The following UMAD1 variants were observed in gnomAD, a reference collection of about 807,000 sequenced individuals.
The protein encoded by UMAD1 is UBAP1-MVB12-associated (UMA)-domain containing protein 1.
Under a neutral mutation model 6.1 loss-of-function variants are expected in UMAD1, and 8 were observed. That is an observed-to-expected ratio of 1.30 (90% CI 0.76 to 2.35). UMAD1 has a LOEUF of 2.35. Among genes scored for constraint, UMAD1 ranks in the 30% most tolerant of loss-of-function variants. UMAD1 has a pLI of 0.00. For synonymous variants in UMAD1, 56 were observed against 31.4 expected, an observed-to-expected ratio of 1.78 and a Z score of -2.61; for missense variants, 130 against 78.4, an observed-to-expected ratio of 1.66 and a Z score of -2.49.
chr7:7,674,570 C>A (rs1779690691), intron 2 of UMAD1, among the ~76,000 whole-genome samples: 1 of 152,134 alleles, frequency 6.6e-6, no homozygotes, highest in Admixed American at 6.6e-5. Flanking sequence ...ATCCCTTATA[C>A]CTGAGGTAAA....
chr7:7,678,657 T>C (rs187647090), intron 2 of UMAD1, among the ~76,000 whole-genome samples: 3,990 of 99,682 alleles, frequency 0.04, 71 homozygotes, highest in Admixed American at 0.063. Context: ...TATTTATATA[T>C]TTAGTTTATA....
rs142994529 is a variant in UMAD1, at chr7:7,711,946, T to C, written c.82+38493T>C. On this transcript the variant is annotated intron_variant, in intron 2 of 3. Transcript: ENST00000682710. ...CTTTGGTTATAGTGTGGTATAGCGATCCGATTTTAATTTTTTTTTGTAGGG... is the reference window on the plus strand; with the variant it reads ...CTTTGGTTATAGTGTGGTATAGCGACCCGATTTTAATTTTTTTTTGTAGGG... Among the ~76,000 whole-genome samples the C allele has an allele frequency of 1.9e-3, 289 of 152,266 alleles. 3 individuals carry two copies. Among genetic ancestry groups the C allele is most frequent in the African/African-American group, 6.8e-3 (282 of 41,582 alleles).
intron 2 of UMAD1, among the ~76,000 whole-genome samples, chr7:7,763,193 T>C (rs1781924237): frequency 6.6e-6 from 1 of 152,230 alleles, no homozygotes; most frequent in Non-Finnish European, 1.5e-5. Context: ...TGATATTTAA[T>C]TGAAGTGCTT....
At chr7:7,838,999 C>G (rs1410465923) in intron 3 of UMAD1, among the ~76,000 whole-genome samples, 1 of 152,074 alleles carries the variant, frequency 6.6e-6, no homozygotes, top group African/African-American at 2.4e-5. Context: ...TACTTTCTAG[C>G]AGGGGAGGAA....
At chr7:7,804,946 A>G (rs966450530) in intron 3 of UMAD1, among the ~76,000 whole-genome samples, 3 of 152,100 alleles carry the variant, frequency 2.0e-5, no homozygotes, top group African/African-American at 7.2e-5. Context: ...ACACCACTGC[A>G]CTCCAGCCTG....
At chr7:7,710,551 A>G (rs1198809895) in intron 2 of UMAD1, among the ~76,000 whole-genome samples, 2 of 152,180 alleles carry the variant, frequency 1.3e-5, no homozygotes, top group Non-Finnish European at 2.9e-5. Context: ...AAATAGTAAT[A>G]ACACCAAATG....
intron 2 of UMAD1, among the ~76,000 whole-genome samples, chr7:7,680,697 T>TA (rs1405444864): frequency 1.3e-5 from 2 of 151,456 alleles, no homozygotes; most frequent in South Asian, 2.1e-4. Flanking sequence ...CATTTTTTTT[T>TA]ATGTGTGTTC....
At chr7:7,787,038 G>T (rs986799112) in intron 2 of UMAD1, among the ~76,000 whole-genome samples, 2 of 152,132 alleles carry the variant, frequency 1.3e-5, no homozygotes, top group Non-Finnish European at 2.9e-5. Context: ...AATCTGTTTT[G>T]CAATAAGGCA....
At chr7:7,741,604 AT>A (rs1302498345) in intron 2 of UMAD1, among the ~76,000 whole-genome samples, 1 of 148,218 alleles carries the variant, frequency 6.7e-6, no homozygotes, top group Non-Finnish European at 1.5e-5. Context: ...AATAATAATA[AT>A]AATAATAATA....
At chr7:7,857,643 G>A (rs1784043127) in intron 3 of UMAD1, among the ~76,000 whole-genome samples, 1 of 152,218 alleles carries the variant, frequency 6.6e-6, no homozygotes, top group Non-Finnish European at 1.5e-5. Context: ...TTTTTAAAAT[G>A]TATTATTCAG....
intron 2 of UMAD1, among the ~76,000 whole-genome samples, chr7:7,768,639 A>T (rs35254822): frequency 6.6e-6 from 1 of 152,118 alleles, no homozygotes; most frequent in Non-Finnish European, 1.5e-5. Context: ...GTGTTTATCA[A>T]TTAAACTCCT....
At chr7:7,849,132 T>G (rs1783865601) in intron 3 of UMAD1, among the ~76,000 whole-genome samples, 1 of 152,200 alleles carries the variant, frequency 6.6e-6, no homozygotes, top group Non-Finnish European at 1.5e-5. Flanking sequence ...GATTACTTAC[T>G]GCATTCTGCA....
chr7:7,651,995 T>G (rs551986991), intron 1 of UMAD1, among the ~76,000 whole-genome samples: 3 of 152,250 alleles, frequency 2.0e-5, no homozygotes, highest in South Asian at 4.1e-4. Context: ...GACTTCTGAA[T>G]GGAAGTGGGA....
At chr7:7,769,976 C>G (rs1299467378) in intron 2 of UMAD1, among the ~76,000 whole-genome samples, 1 of 152,194 alleles carries the variant, frequency 6.6e-6, no homozygotes, top group African/African-American at 2.4e-5. Flanking sequence ...TTTATGATTT[C>G]CAGCCTCAGC....
intron 2 of UMAD1, among the ~76,000 whole-genome samples, chr7:7,696,154 C>T (rs1780311188): frequency 1.3e-5 from 2 of 151,712 alleles, no homozygotes; most frequent in Non-Finnish European, 2.9e-5. Flanking sequence ...TACAGGCATG[C>T]ACCACCATGC....
intron 2 of UMAD1, among the ~76,000 whole-genome samples, chr7:7,792,876 A>G (rs13229343): frequency 2.0e-5 from 3 of 152,148 alleles, no homozygotes; most frequent in Non-Finnish European, 4.4e-5. Context: ...TCATTTTCAC[A>G]TGGCAGAAGG....
chr7:7,865,983 C>T (rs1190295939), intron 3 of UMAD1, among the ~76,000 whole-genome samples: 2 of 152,194 alleles, frequency 1.3e-5, no homozygotes, highest in Non-Finnish European at 2.9e-5. Flanking sequence ...CAAGGAATAA[C>T]TTATCTCATG....
At chr7:7,697,027 G>A (rs1780337020) in intron 2 of UMAD1, among the ~76,000 whole-genome samples, 1 of 152,116 alleles carries the variant, frequency 6.6e-6, no homozygotes. Flanking sequence ...TATAACTTCT[G>A]TCTTAGTACA....
At chr7:7,822,167 A>T (rs1583851221) in intron 3 of UMAD1, among the ~76,000 whole-genome samples, 1 of 152,202 alleles carries the variant, frequency 6.6e-6, no homozygotes, top group Admixed American at 6.6e-5. Flanking sequence ...TACTTTATTT[A>T]AAATTTTTGA....
Sources: allele counts gnomAD v4.1 joint callset (sites outside exome capture counted in the v4.1 genomes callset), GRCh38; gene constraint gnomAD v4.1.1; transcripts MANE v1.5; gene names NCBI Gene and HGNC (gene_info 2026-07-23, HGNC 2026-07-21).